Variants in DLG2 observed in about 807,000 individuals in gnomAD.
DLG2 encodes the protein discs large MAGUK scaffold protein 2.
A neutral mutation model predicts 132.5 loss-of-function variants in DLG2; 45 were observed. The observed-to-expected ratio is 0.34, with a 90% CI of 0.27 to 0.44. The LOEUF (loss-of-function observed/expected upper bound fraction) is 0.44. Among genes scored for constraint, DLG2 ranks in the 20% least tolerant of loss-of-function variants. The pLI is 1.00. For missense variants in DLG2, 1,045 were observed against 1,196.9 expected (o/e 0.87, Z 1.87); for synonymous variants, 424 against 419.6 (o/e 1.01, Z -0.13).
chr11:83,726,524 G>T (rs1305130445), intron 18 of DLG2, among the ~76,000 whole-genome samples: 1 of 152,122 alleles, frequency 6.6e-6, no homozygotes, highest in African/African-American at 2.4e-5. Context: ...ACGTCTAAAT[G>T]ACAAGGAGGT....
chr11:85,364,568 T>C (rs1428519514), intron 3 of DLG2, among the ~76,000 whole-genome samples: 1 of 152,176 alleles, frequency 6.6e-6, no homozygotes, highest in Non-Finnish European at 1.5e-5. Flanking sequence ...TACCTTACCT[T>C]CCCTGCCTTT....
chr11:85,461,001 TG>T (rs2092591595), intron 3 of DLG2, among the ~76,000 whole-genome samples: 1 of 152,186 alleles, frequency 6.6e-6, no homozygotes, highest in East Asian at 1.9e-4. Flanking sequence ...CATTAGAAAA[TG>T]AAGAGTAATT....
intron 8 of DLG2, among the ~76,000 whole-genome samples, chr11:84,223,556 CTTT>C (rs5793116): frequency 1.4e-4 from 19 of 131,534 alleles, no homozygotes; most frequent in East Asian, 2.2e-4. Flanking sequence ...ATTTATGTGA[CTTT>C]TTTTTTTTTT....
chr11:83,892,770 C>T (rs565403654), intron 15 of DLG2, among the ~76,000 whole-genome samples: 1 of 151,936 alleles, frequency 6.6e-6, no homozygotes, highest in South Asian at 2.1e-4. Flanking sequence ...AAGATTCAGA[C>T]ATCCATTCTC....
At chr11:85,354,550 AT>A (rs561822729) in intron 3 of DLG2, among the ~76,000 whole-genome samples, 20 of 147,816 alleles carry the variant, frequency 1.4e-4, no homozygotes, top group Admixed American at 4.1e-4. Flanking sequence ...GAGCCAATAC[AT>A]TTTTTTTTTC....
chr11:84,928,982 G>GTGTATATATATATATA (rs1400906684), intron 6 of DLG2, among the ~76,000 whole-genome samples: 25 of 49,108 alleles, frequency 5.1e-4, no homozygotes, highest in Non-Finnish European at 7.1e-4. Flanking sequence ...GTGTGTGTGT[G>GTGTATATATATATATA]TATATATATA....
intron 6 of DLG2, among the ~76,000 whole-genome samples, chr11:84,706,514 G>A (rs1429541634): frequency 6.6e-6 from 1 of 151,734 alleles, no homozygotes; most frequent in Non-Finnish European, 1.5e-5. Flanking sequence ...ATGGAACTGA[G>A]TCTGTGATAG....
intron 6 of DLG2, among the ~76,000 whole-genome samples, chr11:84,879,202 C>G (rs1044061321): frequency 6.6e-6 from 1 of 152,094 alleles, no homozygotes; most frequent in Non-Finnish European, 1.5e-5. Context: ...AAGTCAATCA[C>G]CAAAGATAAG....
chr11:83,779,734 T>C (rs1381308658), intron 18 of DLG2, among the ~76,000 whole-genome samples: 1 of 152,220 alleles, frequency 6.6e-6, no homozygotes, highest in African/African-American at 2.4e-5. Context: ...CAAGATTATC[T>C]TTAAGGATTC....
intron 3 of DLG2, among the ~76,000 whole-genome samples, chr11:85,568,267 A>G (rs370217407): frequency 4.5e-4 from 69 of 152,182 alleles, no homozygotes; most frequent in African/African-American, 1.6e-3. Context: ...CAACCACCTC[A>G]GCCTTCCAAA....
intron 19 of DLG2, among the ~76,000 whole-genome samples, chr11:83,565,823 C>T (rs2096698606): frequency 1.3e-5 from 2 of 152,280 alleles, no homozygotes; most frequent in African/African-American, 2.4e-5. Context: ...AAGGTAAAGA[C>T]ACTTATTCAA....
intron 18 of DLG2, among the ~76,000 whole-genome samples, chr11:83,718,641 T>C (rs867520471): frequency 1.3e-5 from 2 of 151,882 alleles, no homozygotes; most frequent in South Asian, 4.2e-4. Context: ...ATGGGTTTCT[T>C]ATTTTAGCGA....
intron 2 of DLG2, among the ~76,000 whole-genome samples, chr11:85,601,922 T>C (rs1342026927): frequency 6.6e-6 from 1 of 152,194 alleles, no homozygotes; most frequent in East Asian, 1.9e-4. Context: ...GATAATCTTA[T>C]CTAATTCCGT....
chr11:84,923,903 A>C (rs1459060231), intron 6 of DLG2, among the ~76,000 whole-genome samples: 1 of 152,162 alleles, frequency 6.6e-6, no homozygotes, highest in Non-Finnish European at 1.5e-5. Flanking sequence ...TGATGTGGCC[A>C]ATTTTCCAAA....
At chr11:85,151,884 G>A (rs1173450001) in intron 5 of DLG2, among the ~76,000 whole-genome samples, 2 of 152,180 alleles carry the variant, frequency 1.3e-5, no homozygotes, top group South Asian at 2.1e-4. Context: ...CGGAACTAAC[G>A]CTTTTAAAAT....
At chr11:85,419,955 C>G (rs1038732237) in intron 3 of DLG2, among the ~76,000 whole-genome samples, 1 of 152,210 alleles carries the variant, frequency 6.6e-6, no homozygotes, top group Non-Finnish European at 1.5e-5. Context: ...ACTCATTCCC[C>G]ATCCAGTTTT....
intron 12 of DLG2, among the ~76,000 whole-genome samples, chr11:83,977,664 G>A (rs2092392952): frequency 6.6e-6 from 1 of 152,054 alleles, no homozygotes; most frequent in African/African-American, 2.4e-5. Context: ...TACTCCCGAA[G>A]TGGCACAAGC....
Position 83,476,507 on chromosome 11 carries a change from A to C in DLG2, c.2294-3730T>G, listed in dbSNP as rs77389165. Among the ~76,000 whole-genome samples the C allele has an allele frequency of 3.7e-3, 571 of 152,290 alleles. 3 individuals carry two copies. Among genetic ancestry groups the C allele is most frequent in the Middle Eastern group, 0.014 (4 of 294 alleles). ...TCAAAGACTTTAAGTAATTTGTTTA[A>C]GGTCATATAGTAAATTCATGGCAAA... is the stretch of plus-strand genomic sequence containing the variant. On this transcript the variant is annotated intron_variant, in intron 22 of 27. Coordinates refer to ENST00000376104, the MANE Select transcript of DLG2 (RefSeq NM_001142699.3).
At chr11:84,807,881 G>C (rs555085589) in intron 6 of DLG2, among the ~76,000 whole-genome samples, 1 of 152,184 alleles carries the variant, frequency 6.6e-6, no homozygotes, top group Admixed American at 6.5e-5. Context: ...AGGACAAATA[G>C]ACAAACACAT....
Sources: allele counts gnomAD v4.1 joint callset (sites outside exome capture counted in the v4.1 genomes callset), GRCh38; gene constraint gnomAD v4.1.1; transcripts MANE v1.5; gene names NCBI Gene and HGNC (gene_info 2026-07-23, HGNC 2026-07-21).